Variants in AFG2A observed in about 807,000 individuals in gnomAD.
AFG2A encodes the protein AAA ATPase AFG2A.
At chr4:123,064,391 A>G in the AFG2A span, among the ~76,000 whole-genome samples, 1 of 152,234 alleles carries the variant, frequency 6.6e-6, no homozygotes, top group Admixed American at 6.5e-5. Flanking sequence ...ACATACTAGA[A>G]ACTACTTACA....
chr4:122,996,570 C>T, the AFG2A span, among the ~76,000 whole-genome samples: 2 of 139,532 alleles, frequency 1.4e-5, no homozygotes, highest in African/African-American at 2.7e-5. Context: ...GGTAGGTAGG[C>T]AGATAGATAG....
chr4:123,166,739 C>G, the AFG2A span, among the ~76,000 whole-genome samples: 1 of 152,082 alleles, frequency 6.6e-6, no homozygotes. Context: ...TCCTTGAACT[C>G]TAGAAGTCTA....
the AFG2A span, among the ~76,000 whole-genome samples, chr4:123,295,676 A>C: frequency 1.3e-5 from 2 of 152,260 alleles, no homozygotes; most frequent in Non-Finnish European, 2.9e-5. Context: ...AGAAACAGAA[A>C]GTTCTAGGAC....
the AFG2A span, among the ~76,000 whole-genome samples, chr4:123,242,018 C>A: frequency 2.6e-5 from 4 of 152,078 alleles, no homozygotes; most frequent in African/African-American, 9.7e-5. Flanking sequence ...GAGTGAACTC[C>A]CATTCACAAT....
chr4:123,050,243 G>A, the AFG2A span, among the ~76,000 whole-genome samples: 1 of 152,118 alleles, frequency 6.6e-6, no homozygotes, highest in African/African-American at 2.4e-5. Flanking sequence ...CCTGGATAAT[G>A]TGCCATGTGC....
the AFG2A span, among the ~76,000 whole-genome samples, chr4:122,993,326 A>G: frequency 7.4e-4 from 112 of 152,208 alleles, 1 homozygote; most frequent in Admixed American, 1.5e-3. Context: ...TAATCTTAAG[A>G]TATATGTAGT....
At chr4:123,173,342 T>G in the AFG2A span, among the ~76,000 whole-genome samples, 2 of 4,774 alleles carry the variant, frequency 4.2e-4, no homozygotes, top group Non-Finnish European at 2.7e-3. Flanking sequence ...GTCCAATGGT[T>G]TTTTTTTTTT....
At chr4:123,247,513 G>A in the AFG2A span, among the ~76,000 whole-genome samples, 1 of 151,992 alleles carries the variant, frequency 6.6e-6, no homozygotes, top group Non-Finnish European at 1.5e-5. Flanking sequence ...TCAACCTCCT[G>A]GGCTCAAGTG....
the AFG2A span, among the ~76,000 whole-genome samples, chr4:123,132,849 T>C: frequency 6.6e-6 from 1 of 150,796 alleles, no homozygotes; most frequent in Non-Finnish European, 1.5e-5. Flanking sequence ...GGTGCGATCT[T>C]GGCTCACTGC....
At chr4:123,028,207 G>C in the AFG2A span, 1 of 1,613,970 alleles carries the variant, frequency 6.2e-7, no homozygotes, top group Non-Finnish European at 8.5e-7. Flanking sequence ...AGATATAGGA[G>C]GACTGGAAAG....
chr4:123,022,496 C>A, the AFG2A span, among the ~76,000 whole-genome samples: 81 of 150,818 alleles, frequency 5.4e-4, no homozygotes, highest in African/African-American at 1.2e-3. Flanking sequence ...TACCATCTCA[C>A]ACCAGTTAGA....
At chr4:123,002,985 T>C in the AFG2A span, among the ~76,000 whole-genome samples, 3 of 152,190 alleles carry the variant, frequency 2.0e-5, no homozygotes, top group East Asian at 5.8e-4. Context: ...CCCATATTTC[T>C]TGGAGGCTTT....
At chr4:122,999,159 G>GTTTA in the AFG2A span, among the ~76,000 whole-genome samples, 2 of 132,942 alleles carry the variant, frequency 1.5e-5, no homozygotes, top group East Asian at 4.6e-4. Flanking sequence ...TGATGGGGTT[G>GTTTA]TTTTTTTCTT....
chr4:123,058,894 A>G, the AFG2A span, among the ~76,000 whole-genome samples: 1 of 152,166 alleles, frequency 6.6e-6, no homozygotes, highest in African/African-American at 2.4e-5. Context: ...GTCTTAACTC[A>G]TTTCAGCATT....
the AFG2A span, among the ~76,000 whole-genome samples, chr4:122,943,471 TG>T: frequency 6.6e-6 from 1 of 152,234 alleles, no homozygotes; most frequent in Non-Finnish European, 1.5e-5. Flanking sequence ...TGCCTTTTTT[TG>T]TTTTCCATTT....
At chr4:123,011,611 G>A in the AFG2A span, among the ~76,000 whole-genome samples, 1 of 152,188 alleles carries the variant, frequency 6.6e-6, no homozygotes, top group African/African-American at 2.4e-5. Context: ...TGGAAAAATC[G>A]AAAGTGCCAT....
the AFG2A span, among the ~76,000 whole-genome samples, chr4:123,284,057 G>A: frequency 2.0e-5 from 3 of 152,144 alleles, no homozygotes; most frequent in South Asian, 6.2e-4. Flanking sequence ...GTAAAGGTAA[G>A]CGGAAATACA....
the AFG2A span, chr4:123,255,921 G>A: frequency 2.1e-6 from 3 of 1,404,002 alleles, no homozygotes; most frequent in Non-Finnish European, 2.9e-6. Flanking sequence ...ATAGTGGATT[G>A]TTCGTGAAAT....
At chr4:123,249,923 A>C in the AFG2A span, among the ~76,000 whole-genome samples, 1 of 152,110 alleles carries the variant, frequency 6.6e-6, no homozygotes, top group Non-Finnish European at 1.5e-5. Flanking sequence ...CCGTTACCAA[A>C]GATCCACCTT....
Sources: allele counts gnomAD v4.1 joint callset (sites outside exome capture counted in the v4.1 genomes callset), GRCh38; gene constraint gnomAD v4.1.1; transcripts MANE v1.5; gene names NCBI Gene and HGNC (gene_info 2026-07-23, HGNC 2026-07-21).